Variants in TFCP2L1 observed in about 807,000 individuals in gnomAD.
TFCP2L1 encodes the protein transcription factor CP2-like protein 1.
TFCP2L1 carries 12 observed loss-of-function variants against 72.2 expected under a neutral mutation model. The observed-to-expected ratio is 0.17, with a 90% CI of 0.11 to 0.27. The LOEUF is 0.27. Among genes scored for constraint, TFCP2L1 ranks in the 10% least tolerant of loss-of-function variants. The probability of loss-of-function intolerance (pLI) is 1.00; values close to 1 mark genes in which losing one functional copy is unlikely to be tolerated. For missense variants in TFCP2L1, 488 were observed against 624.6 expected, an observed-to-expected ratio of 0.78 and a Z score of 2.33; for synonymous variants, 260 against 251.0, an observed-to-expected ratio of 1.04 and a Z score of -0.34.
At chr2:121,265,608 C>T (rs930859011) in intron 2 of TFCP2L1, among the ~76,000 whole-genome samples, 1 of 151,754 alleles carries the variant, frequency 6.6e-6, no homozygotes, top group Non-Finnish European at 1.5e-5. Flanking sequence ...TGCAGCTTCC[C>T]AAGTATCTGG....
chr2:121,244,636 G>A (rs796244131), intron 6 of TFCP2L1, among the ~76,000 whole-genome samples: 1 of 152,274 alleles, frequency 6.6e-6, no homozygotes, highest in African/African-American at 2.4e-5. Flanking sequence ...CTGACCCAAG[G>A]TGTAGAAGCT....
At chr2:121,250,346 T>TTATA (rs71829928) in intron 2 of TFCP2L1, among the ~76,000 whole-genome samples, 9,091 of 141,960 alleles carry the variant, frequency 0.064, 340 homozygotes, top group African/African-American at 0.11. Flanking sequence ...CAGAAGACTG[T>TTATA]TATATATATA....
In TFCP2L1 at chr2:121,242,362, T is replaced by C; in HGVS notation, c.765A>G (p.Thr255=). 9 of 1,614,066 alleles carry C rather than the reference T, an allele frequency of 5.6e-6. No homozygotes were observed. Among genetic ancestry groups the C allele is most frequent in the Non-Finnish European group, 7.6e-6 (9 of 1,179,938 alleles). ...TCCCCGCACCCAGCCGGCTCACCTCTGTGAGGATGGTGGTTTCATAGGACG... is the reference window on the plus strand; with the variant it reads ...TCCCCGCACCCAGCCGGCTCACCTCCGTGAGGATGGTGGTTTCATAGGACG... The part of the protein sequence containing the change: ...YQPSYETTIL[T]ECSPWPDVAY... Residue 255 remains threonine (T), a synonymous_variant, in exon 7 of 15, where the codon ACA becomes ACG. Coordinates refer to ENST00000263707, the MANE Select transcript of TFCP2L1 (RefSeq NM_014553.3).
Position 121,248,188 on chromosome 2 carries a change from C to T in TFCP2L1, c.480G>A (p.Ala160=), listed in dbSNP as rs762688379. 8.1e-6 allele frequency: 13 copies of T among 1,613,966 alleles called. No homozygotes were observed. Among genetic ancestry groups the T allele is most frequent in the Middle Eastern group, 1.6e-4 (1 of 6,062 alleles). The change falls in exon 5 of 15, where the codon GCG becomes GCA. Residue 160 remains alanine (A), a synonymous_variant. Transcript: ENST00000263707. The stretch of plus-strand genomic sequence containing the variant: ...CCTGAATGAATGCAGAAGCTCTCTT[C>T]GCAGGGTCCCACAAAAACTCGACTG... ...LNAVEFLWDP[A]KRASAFIQVH... is the part of the protein sequence containing the mutation.
intron 2 of TFCP2L1, among the ~76,000 whole-genome samples, chr2:121,256,848 C>T (rs1379775658): frequency 6.6e-6 from 1 of 152,098 alleles, no homozygotes; most frequent in East Asian, 1.9e-4. Context: ...CCCAGCTACT[C>T]AGGAGGCCGA....
chr2:121,247,075 G>T (rs1363086978), intron 5 of TFCP2L1, 105 bp from the exon 6 acceptor site: 3 of 1,375,752 alleles, frequency 2.2e-6, no homozygotes, highest in East Asian at 2.5e-5. Flanking sequence ...TGCTTGGTCA[G>T]TGCAGGCCTG....
chr2:121,280,784 A>G (rs1460304757), intron 2 of TFCP2L1, among the ~76,000 whole-genome samples: 3 of 145,072 alleles, frequency 2.1e-5, no homozygotes, highest in Non-Finnish European at 4.5e-5. Context: ...AAAAAAAAAA[A>G]GAAAGAAAGA....
intron 2 of TFCP2L1, among the ~76,000 whole-genome samples, chr2:121,250,113 CA>C (rs576219193): frequency 9.9e-5 from 15 of 152,220 alleles, no homozygotes; most frequent in African/African-American, 3.6e-4. Context: ...TGGCAGAATG[CA>C]AAGCATGTTC....
chr2:121,268,714 C>T (rs1054727260), intron 2 of TFCP2L1, among the ~76,000 whole-genome samples: 2 of 151,372 alleles, frequency 1.3e-5, no homozygotes, highest in African/African-American at 4.9e-5. Context: ...CAACATTCAC[C>T]ACTTTCAATG....
rs1384459339 is a variant in TFCP2L1, at chr2:121,219,709, G to A, written c.*4632C>T. 6.6e-6 allele frequency: 1 copy of A among 152,208 alleles called. No homozygotes were observed. The highest frequency in any genetic ancestry group is 2.4e-5 in the African/African-American group (1 of 41,442). 9.4% of individuals were successfully genotyped at this position (152,208 alleles called of 1,614,324 possible). Reference sequence around the variant, plus strand: ...TGGTCTCGAACTCTTGGCGTCAAGTGATTCTCCCACCTCGGCCTCCCAAAA... The same window carrying A: ...TGGTCTCGAACTCTTGGCGTCAAGTAATTCTCCCACCTCGGCCTCCCAAAA... On this transcript the variant is annotated 3_prime_UTR_variant, in exon 15 of 15. Transcript: ENST00000263707.
At chr2:121,259,678 C>A (rs1460805048) in intron 2 of TFCP2L1, among the ~76,000 whole-genome samples, 4 of 152,210 alleles carry the variant, frequency 2.6e-5, no homozygotes, top group African/African-American at 9.7e-5. Context: ...CATACACACA[C>A]ATGAAAAAGC....
chr2:121,253,457 A>G (rs980076223), intron 2 of TFCP2L1, among the ~76,000 whole-genome samples: 4 of 152,184 alleles, frequency 2.6e-5, no homozygotes, highest in African/African-American at 9.7e-5. Context: ...ATCAACATAA[A>G]ACATGCCTCA....
intron 10 of TFCP2L1, among the ~76,000 whole-genome samples, chr2:121,235,759 A>T (rs1686236941): frequency 6.6e-6 from 1 of 151,082 alleles, no homozygotes; most frequent in Non-Finnish European, 1.5e-5. Context: ...GTATGCATAG[A>T]TGTCATCAGC....
At chr2:121,269,836 G>A (rs1442426609) in intron 2 of TFCP2L1, among the ~76,000 whole-genome samples, 1 of 148,076 alleles carries the variant, frequency 6.8e-6, no homozygotes, top group Non-Finnish European at 1.5e-5. Flanking sequence ...TTGAACCTGG[G>A]AGACAGAGGT....
Position 121,237,864 on chromosome 2 carries a change from G to C in TFCP2L1, c.861-14C>G, listed in dbSNP as rs200692825. On this transcript the variant is annotated splice_polypyrimidine_tract_variant and intron_variant, in intron 8 of 14. Coordinates refer to ENST00000263707, the MANE Select transcript of TFCP2L1 (RefSeq NM_014553.3). ...GGAGAGGCGTTGCTGCAAGGAAAAGGAACCAGTGATGAGGACAGAGGGGGC... is the reference window on the plus strand; with the variant it reads ...GGAGAGGCGTTGCTGCAAGGAAAAGCAACCAGTGATGAGGACAGAGGGGGC... The C allele has an allele frequency of 1.2e-6, 2 of 1,613,878 alleles. No individual in the cohort carries two copies. Among genetic ancestry groups the C allele is most frequent in the South Asian group, 2.2e-5 (2 of 91,044 alleles).
At chr2:121,268,393 A>G (rs1686976607) in intron 2 of TFCP2L1, among the ~76,000 whole-genome samples, 3 of 151,926 alleles carry the variant, frequency 2.0e-5, no homozygotes, top group Admixed American at 1.3e-4. Flanking sequence ...TCTCACTGTT[A>G]CCCAGGCTGG....
At chr2:121,229,136 C>T (rs565746786) in intron 13 of TFCP2L1, among the ~76,000 whole-genome samples, 2 of 152,102 alleles carry the variant, frequency 1.3e-5, no homozygotes, top group African/African-American at 4.8e-5. Flanking sequence ...AGGCAGGTCT[C>T]GAACTCCTGA....
At chr2:121,237,376 T>A (rs1686271870) in intron 10 of TFCP2L1, among the ~76,000 whole-genome samples, 1 of 152,144 alleles carries the variant, frequency 6.6e-6, no homozygotes, top group Non-Finnish European at 1.5e-5. Flanking sequence ...GGTGAGGAGA[T>A]CTTGACCAAG....
At chr2:121,261,388 G>A (rs1686827421) in intron 2 of TFCP2L1, among the ~76,000 whole-genome samples, 1 of 152,116 alleles carries the variant, frequency 6.6e-6, no homozygotes, top group Non-Finnish European at 1.5e-5. Flanking sequence ...CATCTGTAGT[G>A]CCAAAAGGTG....
Sources: gnomAD v4.1 joint callset for allele counts (sites outside exome capture counted in the v4.1 genomes callset) on GRCh38, gnomAD v4.1.1 for gene constraint, MANE v1.5 for transcripts, NCBI Gene and HGNC (gene_info 2026-07-23, HGNC 2026-07-21) for gene names.